Variants in RTKN observed in about 807,000 individuals in gnomAD.
RTKN encodes rhotekin.
RTKN carries 49 observed loss-of-function variants against 63.5 expected under a neutral mutation model. The observed-to-expected ratio is 0.77, with a 90% CI of 0.61 to 0.98. The LOEUF (loss-of-function observed/expected upper bound fraction) is 0.98, where lower values mean the gene tolerates loss of function less well. Ranked by LOEUF, RTKN falls within the 50% of genes least tolerant of loss-of-function variation. RTKN has a pLI of 0.00. For synonymous variants in RTKN, 295 were observed against 290.4 expected (o/e 1.02, Z -0.16); for missense variants, 685 against 740.8 (o/e 0.92, Z 0.87).
In RTKN at chr2:74,430,276, ATGTC is replaced by A; in HGVS notation, c.517_520del (p.Asp173SerfsTer20). 6.2e-7 allele frequency: 1 copy of A among 1,613,794 alleles called. No individual in the cohort carries two copies. Among genetic ancestry groups the A allele is most frequent in the East Asian group, 2.2e-5 (1 of 44,878 alleles). On this transcript the variant is annotated frameshift_variant, in exon 5 of 12. Transcript: ENST00000272430. LOFTEE classifies it high-confidence loss of function. ...CAAGAGCACATTGCTCTGAAAGGAG[ATGTC>A]TGTGAGGGTCCTGTCCACTAGGATC...
At position 74,436,169 on chromosome 2, in the gene RTKN, C is replaced by T. The variant is rs1284107945; in HGVS notation, c.112-3503G>A. Reference sequence around the variant, plus strand: ...CCTCAACCCCCATCTTGGCTAGTCTCATCCCAGTCCCAGCACTCACGGATC... The same window carrying T: ...CCTCAACCCCCATCTTGGCTAGTCTTATCCCAGTCCCAGCACTCACGGATC... On this transcript the variant is annotated intron_variant, in intron 1 of 11. Transcript: ENST00000272430. The surrounding 1 kb of genome is among the most constrained non-coding windows in gnomAD (Gnocchi z 4.3). Among the ~76,000 whole-genome samples the T allele has an allele frequency of 1.3e-5, 2 of 152,254 alleles. No homozygotes were observed. The highest frequency in any genetic ancestry group is 1.3e-4 in the Admixed American group (2 of 15,290).
At chr2:74,439,550 C>T (rs1200883502) in intron 1 of RTKN, 2 of 1,614,042 alleles carry the variant, frequency 1.2e-6, no homozygotes, top group Non-Finnish European at 1.7e-6. Context: ...CGGGGGATTA[C>T]CTCCAGGCTG....
At chr2:74,428,487 C>T in intron 8 of RTKN, 91 bp from the exon 9 acceptor site, 1 of 1,603,558 alleles carries the variant, frequency 6.2e-7, no homozygotes, top group Middle Eastern at 1.7e-4. Context: ...GTTTTGTCCA[C>T]CCTGCTGTCC....
intron 5 of RTKN, 51 bp from the exon 6 acceptor site, chr2:74,430,088 A>C: frequency 1.2e-6 from 2 of 1,600,394 alleles, no homozygotes; most frequent in Non-Finnish European, 1.7e-6. Context: ...AGGGAGGCAG[A>C]GGGTAGGGGA....
At chr2:74,441,320 G>T (rs1028780737) in intron 1 of RTKN, among the ~76,000 whole-genome samples, 11 of 152,202 alleles carry the variant, frequency 7.2e-5, no homozygotes, top group Admixed American at 6.5e-4. Flanking sequence ...CTGGCGACTG[G>T]GGAACAAGCG....
intron 11 of RTKN, 72 bp from the exon 12 acceptor site, chr2:74,426,646 A>T: frequency 6.7e-7 from 1 of 1,490,076 alleles, no homozygotes; most frequent in Non-Finnish European, 8.9e-7. Context: ...ACCCAGCCCT[A>T]TCACCTGTCA....
At chr2:74,432,812 A>G (rs1205103410) in intron 1 of RTKN, 146 bp from the exon 2 acceptor site, 3 of 646,394 alleles carry the variant, frequency 4.6e-6, no homozygotes, top group Non-Finnish European at 8.0e-6. Context: ...TTGGGTCTCA[A>G]TCTCAGCTGC....
At chr2:74,429,709 A>T in intron 6 of RTKN, 119 bp downstream of exon 6, 1 of 969,968 alleles carries the variant, frequency 1.0e-6, no homozygotes, top group Non-Finnish European at 1.6e-6. Context: ...GCTCATTCAT[A>T]TCTGTCTGCA....
intron 2 of RTKN, chr2:74,431,061 C>A: frequency 1.5e-5 from 3 of 195,328 alleles, no homozygotes; most frequent in African/African-American, 2.3e-5. Flanking sequence ...GGTCTCCAGT[C>A]TTTATTTTTT....
At position 74,441,846 on chromosome 2, in the gene RTKN, G is replaced by C. The variant is rs1420040545; in HGVS notation, c.-30C>G. 1 of 1,443,008 alleles carries C rather than the reference G, an allele frequency of 6.9e-7. No individual in the cohort carries two copies. The highest frequency in any genetic ancestry group is 2.3e-5 in the East Asian group (1 of 43,244). The allele number at this position is 1,443,008 out of a possible 1,614,324, so 89.4% of individuals were successfully genotyped here. A position where few individuals can be genotyped will look rare whatever the true frequency, so the allele number is the denominator to read the frequency against. On this transcript the variant is annotated 5_prime_UTR_variant, in exon 1 of 12. Coordinates refer to ENST00000272430, the MANE Select transcript of RTKN (RefSeq NM_001015055.2). Reference sequence around the variant, plus strand: ...GCGGCCCTGCGACTTTGCCTGCTCAGTGCGCTCCCCGCGCCGCCCGGCTTA... The same window carrying C: ...GCGGCCCTGCGACTTTGCCTGCTCACTGCGCTCCCCGCGCCGCCCGGCTTA...
At chr2:74,428,459 C>G (rs912657802) in intron 8 of RTKN, 63 bp from the exon 9 acceptor site, 3 of 1,612,380 alleles carry the variant, frequency 1.9e-6, no homozygotes, top group Non-Finnish European at 2.5e-6. Flanking sequence ...CTTCTCAGCC[C>G]CCCATGAGAA....
chr2:74,440,122 T>G, intron 1 of RTKN: 1 of 481,924 alleles, frequency 2.1e-6, no homozygotes, highest in Non-Finnish European at 2.8e-6. Context: ...AAACGACGCC[T>G]CATGCAGGTT....
rs368778634 is a variant in RTKN, at chr2:74,434,657, C to A, written c.112-1991G>T. Among the ~76,000 whole-genome samples, 8 of 152,208 alleles carry A rather than the reference C, an allele frequency of 5.3e-5. No individual in the cohort carries two copies. The East Asian group carries it at 1.2e-3, about 22-fold the overall frequency. On this transcript the variant is annotated intron_variant, in intron 1 of 11. Transcript: ENST00000272430. ...TCTCGAACTCCTGGCCTCAAGTGAT[C>A]CTCCCACCTCGGCCTCCCAAAGTGC... is the stretch of plus-strand genomic sequence containing the variant.
chr2:74,431,502 T>G (rs973303367), intron 2 of RTKN, among the ~76,000 whole-genome samples: 4 of 152,244 alleles, frequency 2.6e-5, no homozygotes, highest in African/African-American at 9.6e-5. Flanking sequence ...GGCAATGTGT[T>G]TAGCTGCCAG....
rs1670820034 is a variant in RTKN at position 74,432,589 on chromosome 2, G to A, written c.189C>T (p.Ser63=). ...EGACKLLAAC[S]QREQALEATK... is the part of the protein sequence containing the mutation. ...TGGCCTCCAGAGCCTGCTCTCGCTG[G>A]GAGCAGGCTGCCAGCAGCTTACAGG... is the stretch of plus-strand genomic sequence containing the variant. Residue 63 remains serine (S), a synonymous_variant, in exon 2 of 12, where the codon TCC becomes TCT. Coordinates refer to ENST00000272430, the MANE Select transcript of RTKN (RefSeq NM_001015055.2). 6.2e-7 allele frequency: 1 copy of A among 1,613,866 alleles called. No homozygotes were observed. The highest frequency in any genetic ancestry group is 1.7e-5 in the Admixed American group (1 of 60,002).
At position 74,427,152 on chromosome 2, in the gene RTKN, A is replaced by C. The variant is rs1272703587; in HGVS notation, c.1360+17T>G. 6 of 1,607,706 alleles carry C rather than the reference A, an allele frequency of 3.7e-6. No individual in the cohort carries two copies. Among genetic ancestry groups the C allele is most frequent in the Non-Finnish European group, 3.4e-6 (4 of 1,174,766 alleles). On this transcript the variant is annotated intron_variant, in intron 11 of 11. Transcript: ENST00000272430. ...ACTTCCCATTAGCTTCCTGGAGTTC[A>C]CATTCCTCTCACTTACCCATCTCAT...
chr2:74,430,486 C>A lies in RTKN; in HGVS notation c.406G>T (p.Glu136Ter). ...TCACCACCTTTGTTCTTGAAATATT[C>A]TGTGTCCTTCCACATGAGTGGAATC... is the stretch of plus-strand genomic sequence containing the variant. Reference protein sequence around the residue: ...LRIPLMWKDTEYFKNKGDLHR... With the variant: ...LRIPLMWKDT Residue 136 changes from glutamate to a stop codon, truncating the protein, a stop_gained, in exon 4 of 12, where the codon GAA becomes TAA. Transcript: ENST00000272430. LOFTEE classifies it high-confidence loss of function. 1 of 1,614,224 alleles carries A rather than the reference C, an allele frequency of 6.2e-7. No homozygotes were observed. The highest frequency in any genetic ancestry group is 8.5e-7 in the Non-Finnish European group (1 of 1,180,028).
chr2:74,427,942 C>A, intron 9 of RTKN: 1 of 486,978 alleles, frequency 2.1e-6, no homozygotes, highest in South Asian at 2.7e-5. Flanking sequence ...GGCAATTGGA[C>A]CTGGAGAGAA....
Position 74,441,819 on chromosome 2 carries a change from T to C in RTKN, c.-3A>G. The stretch of plus-strand genomic sequence containing the variant: ...CTCCGGTGGTTTCGGGAGAACATGC[T>C]GGCGGCCCTGCGACTTTGCCTGCTC... On this transcript the variant is annotated 5_prime_UTR_variant, in exon 1 of 12. Coordinates refer to ENST00000272430, the MANE Select transcript of RTKN (RefSeq NM_001015055.2). 1 of 1,600,106 alleles carries C rather than the reference T, an allele frequency of 6.2e-7. No individual in the cohort carries two copies. Among genetic ancestry groups the C allele is most frequent in the South Asian group, 1.1e-5 (1 of 89,322 alleles).
Sources: allele counts gnomAD v4.1 joint callset (sites outside exome capture counted in the v4.1 genomes callset), GRCh38; gene constraint gnomAD v4.1.1; non-coding constraint Gnocchi (gnomAD v3.1); transcripts MANE v1.5; gene names NCBI Gene and HGNC (gene_info 2026-07-23, HGNC 2026-07-21).